The following RAPGEF2 variants were observed in gnomAD, a reference collection of about 807,000 sequenced individuals.
The protein encoded by RAPGEF2 is PDZ domain containing guanine nucleotide exchange factor (GEF) 1.
A neutral mutation model predicts 186.7 loss-of-function variants in RAPGEF2; 54 were observed. That is an observed-to-expected ratio of 0.29 (90% CI 0.23 to 0.36). The LOEUF is 0.36. Ranked by LOEUF, RAPGEF2 falls within the 10% of genes least tolerant of loss-of-function variation. The pLI, the probability that RAPGEF2 is intolerant of heterozygous loss-of-function variation, is 1.00. For synonymous variants in RAPGEF2, 712 were observed against 705.9 expected (o/e 1.01, Z -0.14); for missense variants, 1,532 against 2,045.0 (o/e 0.75, Z 4.84).
intron 7 of RAPGEF2, among the ~76,000 whole-genome samples, chr4:159,251,855 C>G (rs576189050): frequency 3.3e-5 from 5 of 151,678 alleles, no homozygotes; most frequent in African/African-American, 7.3e-5. Flanking sequence ...AGTTTGCCGC[C>G]GCGATCTGCT....
At chr4:159,180,611 T>C (rs1746909930) in intron 1 of RAPGEF2, among the ~76,000 whole-genome samples, 1 of 152,202 alleles carries the variant, frequency 6.6e-6, no homozygotes, top group Admixed American at 6.5e-5. Context: ...CTGAATGTAA[T>C]TGAATTTATT....
At chr4:159,314,914 A>G in intron 9 of RAPGEF2, 146 bp downstream of exon 9, 1 of 757,934 alleles carries the variant, frequency 1.3e-6, no homozygotes, top group Non-Finnish European at 1.9e-6. Context: ...TATTTGTTGG[A>G]CAAAAATTGG....
At chr4:159,242,186 C>T (rs899063818) in intron 6 of RAPGEF2, among the ~76,000 whole-genome samples, 10 of 151,336 alleles carry the variant, frequency 6.6e-5, no homozygotes, top group African/African-American at 1.9e-4. Context: ...AGAGCAAAGT[C>T]GCTTAGATTC....
chr4:159,348,242 A>AGATAGATAGATAGATAGATGGATG (rs544061786), intron 25 of RAPGEF2, among the ~76,000 whole-genome samples: 18 of 144,956 alleles, frequency 1.2e-4, no homozygotes, highest in African/African-American at 5.0e-4. Flanking sequence ...ATAGATAGAT[A>AGATAGATAGATAGATAGATGGATG]GATGGATGGA....
intron 7 of RAPGEF2, among the ~76,000 whole-genome samples, chr4:159,259,552 T>G (rs781407961): frequency 2.0e-5 from 3 of 152,220 alleles, no homozygotes; most frequent in Non-Finnish European, 4.4e-5. Flanking sequence ...CACCATTTCA[T>G]AACAAAGGGA....
chr4:159,218,268 T>A (rs1216000968), intron 4 of RAPGEF2, among the ~76,000 whole-genome samples: 2 of 152,004 alleles, frequency 1.3e-5, no homozygotes, highest in African/African-American at 4.8e-5. Flanking sequence ...AGGAGGGTGG[T>A]GATTGGAGAA....
chr4:159,278,296 G>A (rs989400055), intron 7 of RAPGEF2, among the ~76,000 whole-genome samples: 8 of 152,006 alleles, frequency 5.3e-5, no homozygotes, highest in African/African-American at 1.9e-4. Flanking sequence ...AGAGTCATCT[G>A]GAAGTCCTAG....
chr4:159,117,448 A>G (rs1206792474), intron 1 of RAPGEF2, among the ~76,000 whole-genome samples: 2 of 152,308 alleles, frequency 1.3e-5, no homozygotes, highest in Non-Finnish European at 2.9e-5. Context: ...GAGAATTCCT[A>G]TCTTGATTCT....
intron 7 of RAPGEF2, among the ~76,000 whole-genome samples, chr4:159,249,709 A>T (rs1481000062): frequency 6.1e-5 from 9 of 148,278 alleles, no homozygotes; most frequent in East Asian, 1.9e-4. Context: ...CTTTTTTTTT[A>T]AAAACTGATC....
At chr4:159,152,911 T>A (rs1743716277) in intron 1 of RAPGEF2, among the ~76,000 whole-genome samples, 2 of 152,188 alleles carry the variant, frequency 1.3e-5, no homozygotes, top group African/African-American at 4.8e-5. Flanking sequence ...CCACCGTGCC[T>A]GGCCTAAGTG....
At chr4:159,202,098 G>C (rs868110702) in intron 3 of RAPGEF2, among the ~76,000 whole-genome samples, 18 of 152,184 alleles carry the variant, frequency 1.2e-4, no homozygotes, top group Non-Finnish European at 1.2e-4. Context: ...TAGCTGTGTC[G>C]TGTGCTCGGC....
In RAPGEF2 at chr4:159,353,788, A is replaced by G. The variant is rs1195662147; in HGVS notation, c.4393A>G (p.Ser1465Gly). The G allele has an allele frequency of 3.1e-6, 5 of 1,614,240 alleles. No individual in the cohort carries two copies. The highest frequency in any genetic ancestry group is 4.2e-6 in the Non-Finnish European group (5 of 1,180,036). Residue 1465 changes from serine (S) to glycine (G), a missense_variant, in exon 28 of 30, where the codon AGC becomes GGC. By Grantham distance (56) the Ser-to-Gly change is moderately conservative. Coordinates refer to ENST00000691494, the MANE Select transcript of RAPGEF2 (RefSeq NM_001394067.2). This position sits in a 1 kb window ranked among gnomAD's most constrained non-coding sequence, Gnocchi z 4.3. Reference sequence around the variant, plus strand: ...GGACCAAATTATGTTTTCTGATCATAGCACAAAGTATAACAGGCAAAATCA... The same window carrying G: ...GGACCAAATTATGTTTTCTGATCATGGCACAAAGTATAACAGGCAAAATCA... The part of the protein sequence containing the change: ...HMDQIMFSDH[S>G]TKYNRQNQSR...
chr4:159,346,519 A>G (rs775204236), intron 24 of RAPGEF2, among the ~76,000 whole-genome samples: 2 of 152,110 alleles, frequency 1.3e-5, no homozygotes, highest in African/African-American at 4.8e-5. Flanking sequence ...ATTTTTCTAT[A>G]TTTTTAATGG....
At chr4:159,219,482 A>T (rs1264941561) in intron 4 of RAPGEF2, among the ~76,000 whole-genome samples, 1 of 150,482 alleles carries the variant, frequency 6.6e-6, no homozygotes, top group Non-Finnish European at 1.5e-5. Context: ...CAGCCTCCCG[A>T]GTAGCTGGGA....
At chr4:159,284,764 T>C (rs1760227345) in intron 7 of RAPGEF2, among the ~76,000 whole-genome samples, 1 of 152,200 alleles carries the variant, frequency 6.6e-6, no homozygotes, top group South Asian at 2.1e-4. Context: ...CTTAACTTAC[T>C]CTTCTACCTG....
At chr4:159,193,363 T>A (rs530582348) in intron 3 of RAPGEF2, 107 bp downstream of exon 3, 26 of 491,750 alleles carry the variant, frequency 5.3e-5, no homozygotes. Context: ...CACTAACTTA[T>A]TTTTCTTAGT....
At chr4:159,177,107 G>C (rs1000834559) in intron 1 of RAPGEF2, among the ~76,000 whole-genome samples, 1 of 151,802 alleles carries the variant, frequency 6.6e-6, no homozygotes, top group Non-Finnish European at 1.5e-5. Context: ...TAACAGATGT[G>C]ATAAAATATA....
chr4:159,148,636 T>C (rs1743196299), intron 1 of RAPGEF2, among the ~76,000 whole-genome samples: 1 of 152,190 alleles, frequency 6.6e-6, no homozygotes, highest in African/African-American at 2.4e-5. Context: ...GTGTTTTTTT[T>C]CATGGCTTTC....
chr4:159,121,227 T>A (rs1739644839), intron 1 of RAPGEF2, among the ~76,000 whole-genome samples: 1 of 152,182 alleles, frequency 6.6e-6, no homozygotes. Context: ...GATCTTGATT[T>A]CCTGAGAGTT....
Sources: gnomAD v4.1 joint callset for allele counts (sites outside exome capture counted in the v4.1 genomes callset) on GRCh38, gnomAD v4.1.1 for gene constraint, Gnocchi (gnomAD v3.1) non-coding constraint, MANE v1.5 for transcripts, NCBI Gene and HGNC (gene_info 2026-07-23, HGNC 2026-07-21) for gene names.